The following NRXN2 variants were observed in gnomAD, a reference collection of about 807,000 sequenced individuals.
NRXN2 encodes neurexin 2, also known as neurexin-2-beta.
NRXN2 carries 29 observed loss-of-function variants against 128.8 expected under a neutral mutation model. The ratio of observed to expected loss-of-function variants is 0.23; its 90% CI spans 0.17 to 0.31. The LOEUF is 0.31. NRXN2 is among the 10% of genes least tolerant of loss of function. The probability of loss-of-function intolerance (pLI) is 1.00; values close to 1 mark genes in which losing one functional copy is unlikely to be tolerated. For missense variants in NRXN2, 1,881 were observed against 2,452.6 expected, an observed-to-expected ratio of 0.77 and a Z score of 4.92; for synonymous variants, 1,098 against 1,075.2, an observed-to-expected ratio of 1.02 and a Z score of -0.41.
At chr11:64,627,255 AC>A (rs1470784713) in intron 19 of NRXN2, among the ~76,000 whole-genome samples, 3 of 146,192 alleles carry the variant, frequency 2.1e-5, no homozygotes, top group Non-Finnish European at 4.5e-5. Flanking sequence ...AGGCCTCCTC[AC>A]CCTGGTCAGG....
intron 2 of NRXN2, among the ~76,000 whole-genome samples, chr11:64,704,575 C>T (rs1377291779): frequency 6.8e-6 from 1 of 146,268 alleles, no homozygotes; most frequent in African/African-American, 2.5e-5. Flanking sequence ...CAATTCCTAA[C>T]TTAGGAATGC....
intron 11 of NRXN2, chr11:64,656,228 C>A (rs189695258): frequency 4.6e-5 from 7 of 152,358 alleles, no homozygotes; most frequent in Admixed American, 4.6e-4. Context: ...CCCAGCAGCC[C>A]CCCTGATAAT....
At chr11:64,620,504 C>T (rs1471087465) in intron 21 of NRXN2, 132 bp from the exon 22 acceptor site, 3 of 723,174 alleles carry the variant, frequency 4.1e-6, no homozygotes, top group Non-Finnish European at 7.3e-6. Context: ...GTCTGAGTCC[C>T]AGCCCTCCCA....
intron 6 of NRXN2, among the ~76,000 whole-genome samples, chr11:64,683,019 T>C (rs1178248498): frequency 6.6e-6 from 1 of 152,082 alleles, no homozygotes; most frequent in East Asian, 1.9e-4. Flanking sequence ...TTTGACCCAC[T>C]CCCATGGCTG....
At position 64,713,126 on chromosome 11, in the gene NRXN2, G is replaced by A; in HGVS notation, c.574C>T (p.Leu192=). 1 of 1,426,250 alleles carries A rather than the reference G, an allele frequency of 7.0e-7. No individual in the cohort carries two copies. The highest frequency in any genetic ancestry group is 9.2e-7 in the Non-Finnish European group (1 of 1,089,422). 88.3% of individuals were successfully genotyped at this position (1,426,250 alleles called of 1,614,324 possible). Reference sequence around the variant, plus strand: ...GCGCCGCGCAGGCCCTGGCTGCCCAGCAGCGCGGGGGGCCGCTCGCCCAGC... The same window carrying A: ...GCGCCGCGCAGGCCCTGGCTGCCCAACAGCGCGGGGGGCCGCTCGCCCAGC... ...LKLGERPPAL[L]GSQGLRGATA... is the part of the protein sequence containing the mutation. Residue 192 remains leucine, a synonymous_variant, in exon 2 of 23, where the codon CTG becomes TTG. Coordinates refer to ENST00000265459, the MANE Select transcript of NRXN2 (RefSeq NM_015080.4).
intron 1 of NRXN2, among the ~76,000 whole-genome samples, chr11:64,719,121 G>T (rs373824955): frequency 1.3e-5 from 2 of 152,162 alleles, no homozygotes; most frequent in African/African-American, 4.8e-5. Flanking sequence ...AAAGTGTGTC[G>T]TATTAATGAT....
rs777514125 is a variant in NRXN2, at chr11:64,660,338, T to C, written c.2383A>G (p.Asn795Asp). The C allele has an allele frequency of 6.2e-7, 1 of 1,613,272 alleles. No individual in the cohort carries two copies. Among genetic ancestry groups the C allele is most frequent in the South Asian group, 1.1e-5 (1 of 91,038 alleles). The change falls in exon 11 of 23, where the codon AAC becomes GAC. Residue 795 changes from asparagine (N) to aspartate (D), a missense_variant. Coordinates refer to ENST00000265459, the MANE Select transcript of NRXN2 (RefSeq NM_015080.4). The surrounding 1 kb of genome is among the most constrained non-coding windows in gnomAD (Gnocchi z 5.2). The part of the protein sequence containing the change: ...LDGGQMKLTV[N>D]LDCLRVGCAP... ...CACAGGGCAGGGTGGTTACCGAGGT[T>C]GACAGTGAGCTTCATCTGCCCCCCA...
chr11:64,662,090 T>TAAA (rs35502743), intron 9 of NRXN2, among the ~76,000 whole-genome samples: 1 of 131,458 alleles, frequency 7.6e-6, no homozygotes, highest in Non-Finnish European at 1.6e-5. Flanking sequence ...CCATCTCTAC[T>TAAA]AAAAAAAAAA....
intron 2 of NRXN2, among the ~76,000 whole-genome samples, chr11:64,702,148 C>G (rs1337660593): frequency 6.9e-6 from 1 of 145,100 alleles, no homozygotes; most frequent in Admixed American, 6.8e-5. Context: ...AGCCCCCCAC[C>G]CGGCCAGCCG....
intron 22 of NRXN2, among the ~76,000 whole-genome samples, chr11:64,615,829 CGTGTGTGTGTGTGT>C (rs34781745): frequency 2.9e-5 from 4 of 139,010 alleles, no homozygotes; most frequent in Admixed American, 7.0e-5. Context: ...TAGGCCCAAG[CGTGTGTGTGTGTGT>C]GTGTGTGTGT....
chr11:64,620,075 G>A (rs950682272), intron 22 of NRXN2, among the ~76,000 whole-genome samples: 1 of 152,190 alleles, frequency 6.6e-6, no homozygotes, highest in African/African-American at 2.4e-5. Flanking sequence ...AGGACCCCAG[G>A]CTAAGGACCT....
chr11:64,638,857 C>T (rs2045239062), intron 17 of NRXN2, among the ~76,000 whole-genome samples: 1 of 152,194 alleles, frequency 6.6e-6, no homozygotes, highest in Admixed American at 6.5e-5. Context: ...CTCCTCAATA[C>T]CTCCTAGACC....
intron 6 of NRXN2, among the ~76,000 whole-genome samples, chr11:64,677,944 G>A (rs2051585072): frequency 6.6e-6 from 1 of 152,126 alleles, no homozygotes; most frequent in African/African-American, 2.4e-5. Context: ...GAGAATCAAA[G>A]GACTGGCAAG....
At chr11:64,696,849 TC>T (rs1256585924) in intron 3 of NRXN2, among the ~76,000 whole-genome samples, 1 of 152,126 alleles carries the variant, frequency 6.6e-6, no homozygotes, top group South Asian at 2.1e-4. Context: ...TGTGAGCTCA[TC>T]TTCAACACAG....
intron 18 of NRXN2, among the ~76,000 whole-genome samples, chr11:64,634,151 C>T (rs896967529): frequency 3.9e-5 from 6 of 152,180 alleles, no homozygotes; most frequent in Non-Finnish European, 7.3e-5. Context: ...CTCCTGAAAG[C>T]CAGGGGCCCC....
In NRXN2 at chr11:64,707,959, G is replaced by A. The variant is rs182935692; in HGVS notation, c.730+5011C>T. Among the ~76,000 whole-genome samples the A allele has an allele frequency of 1.5e-4, 23 of 152,256 alleles. No individual in the cohort carries two copies. In the East Asian group the frequency reaches 4.2e-3, roughly 28 times the overall value. ...AAATACAAAATTAGCCAGGCGTGGT[G>A]GTGCATGCCTATAATCCCAGCTACT... On this transcript the variant is annotated intron_variant, in intron 2 of 22. Transcript: ENST00000265459.
chr11:64,625,181 C>G (rs377488425), intron 20 of NRXN2, among the ~76,000 whole-genome samples: 2 of 152,236 alleles, frequency 1.3e-5, no homozygotes, highest in African/African-American at 4.8e-5. Context: ...CCCCACCCCC[C>G]AACAGGGCCT....
chr11:64,717,417 C>T (rs538230347), intron 1 of NRXN2, among the ~76,000 whole-genome samples: 2 of 152,296 alleles, frequency 1.3e-5, no homozygotes, highest in South Asian at 4.1e-4. Flanking sequence ...ACCCAGTCAG[C>T]TCCCTAGTGC....
chr11:64,651,107 A>G lies in NRXN2; in HGVS notation c.2918+148T>C. ...GCTTCTCCATCTTGGCTGAAGAGGG[A>G]GCCTCTCGACTTACGGTCGGGGACC... On this transcript the variant is annotated intron_variant, in intron 14 of 22. Coordinates refer to ENST00000265459, the MANE Select transcript of NRXN2 (RefSeq NM_015080.4). This position sits in a 1 kb window ranked among gnomAD's most constrained non-coding sequence, Gnocchi z 5.9. 1 of 1,056,680 alleles carries G rather than the reference A, an allele frequency of 9.5e-7. No individual in the cohort carries two copies. The highest frequency in any genetic ancestry group is 1.4e-6 in the Non-Finnish European group (1 of 706,710). The allele number at this position is 1,056,680 out of a possible 1,614,324, so 65.5% of individuals were successfully genotyped here.
Sources: allele counts gnomAD v4.1 joint callset (sites outside exome capture counted in the v4.1 genomes callset), GRCh38; gene constraint gnomAD v4.1.1; non-coding constraint Gnocchi (gnomAD v3.1); transcripts MANE v1.5; gene names NCBI Gene and HGNC (gene_info 2026-07-23, HGNC 2026-07-21).